The following PRDM1 variants were observed in gnomAD, a reference collection of about 807,000 sequenced individuals.
The protein encoded by PRDM1 is PR/SET domain 1.
Under a neutral mutation model 62.8 loss-of-function variants are expected in PRDM1, and 13 were observed. The ratio of observed to expected loss-of-function variants is 0.21; its 90% confidence interval spans 0.13 to 0.33. The LOEUF (loss-of-function observed/expected upper bound fraction) is 0.33. PRDM1 is among the 10% of genes least tolerant of loss of function. PRDM1 has a pLI of 1.00. For synonymous variants in PRDM1, 396 were observed against 417.6 expected (o/e 0.95, Z 0.63); for missense variants, 895 against 1,058.8 (o/e 0.85, Z 2.15).
At chr6:106,070,416 T>G (rs778545186) in intron 1 of PRDM1, among the ~76,000 whole-genome samples, 1 of 152,174 alleles carries the variant, frequency 6.6e-6, no homozygotes, top group Non-Finnish European at 1.5e-5. Context: ...TGAATAATAC[T>G]TATATTATAT....
At chr6:106,068,510 T>G (rs951936616) in intron 1 of PRDM1, among the ~76,000 whole-genome samples, 1 of 152,206 alleles carries the variant, frequency 6.6e-6, no homozygotes. Flanking sequence ...TATAGTATCT[T>G]GTAAACCATT....
At position 106,107,696 on chromosome 6, in the gene PRDM1, A is replaced by ATATATT. The variant is rs1275544320; in HGVS notation, c.*213_*214insATTTAT. 11 of 224,464 alleles carry ATATATT rather than the reference A, an allele frequency of 4.9e-5. No homozygotes were observed. In the East Asian group the frequency reaches 7.6e-4, roughly 15 times the overall value. 13.9% of individuals were successfully genotyped at this position (224,464 alleles called of 1,614,324 possible). On this transcript the variant is annotated 3_prime_UTR_variant, in exon 7 of 7. Coordinates refer to ENST00000369096, the MANE Select transcript of PRDM1 (RefSeq NM_001198.4). ...AAAGGCCATATATATATATATATAT[A>ATATATT]TATCTGTATACATATTATATATACT...
chr6:106,101,296 A>T (rs1774263545), intron 4 of PRDM1, among the ~76,000 whole-genome samples: 1 of 152,164 alleles, frequency 6.6e-6, no homozygotes, highest in Non-Finnish European at 1.5e-5. Context: ...ACCACCAAGA[A>T]ACTTTTTTGC....
At chr6:106,005,772 AAG>A (rs1472760997) in intron 1 of PRDM1, among the ~76,000 whole-genome samples, 1 of 152,218 alleles carries the variant, frequency 6.6e-6, no homozygotes, top group African/African-American at 2.4e-5. Context: ...GAAAATACAT[AAG>A]ACTCTCCCCA....
chr6:106,085,354 T>C (rs2093755808), upstream of PRDM1, among the ~76,000 whole-genome samples: 1 of 152,158 alleles, frequency 6.6e-6, no homozygotes, highest in Admixed American at 6.5e-5. Context: ...ATAATTGAAA[T>C]GGGGTGTTTG....
intron 2 of PRDM1, among the ~76,000 whole-genome samples, chr6:106,094,168 C>T (rs1226796106): frequency 3.9e-5 from 6 of 152,140 alleles, no homozygotes; most frequent in Non-Finnish European, 8.8e-5. Flanking sequence ...TTTGAGTCTA[C>T]CATTTCAGGT....
chr6:106,079,683 A>G (rs986425253), intron 1 of PRDM1, among the ~76,000 whole-genome samples: 1 of 152,204 alleles, frequency 6.6e-6, no homozygotes, highest in East Asian at 1.9e-4. Flanking sequence ...CTTTAATCCC[A>G]GCTACTCTGG....
At chr6:106,055,487 G>A (rs1481022797) in intron 1 of PRDM1, among the ~76,000 whole-genome samples, 3 of 152,120 alleles carry the variant, frequency 2.0e-5, no homozygotes, top group Non-Finnish European at 4.4e-5. Context: ...CACTTTAAAT[G>A]GAAAATGCTT....
Position 106,099,509 on chromosome 6 carries a change from G to A in PRDM1, c.621G>A (p.Arg207=). 6.2e-7 allele frequency: 1 copy of A among 1,614,144 alleles called. No homozygotes were observed. Among genetic ancestry groups the A allele is most frequent in the Non-Finnish European group, 8.5e-7 (1 of 1,180,024 alleles). The stretch of plus-strand genomic sequence containing the variant: ...GGTATTGTCGGGACTTTGCAGAAAG[G>A]CTTCACTACCCTTATCCCGGAGAGC... The part of the protein sequence containing the change: ...LVWYCRDFAE[R]LHYPYPGELT... Residue 207 remains arginine, a synonymous_variant, in exon 4 of 7, where the codon AGG becomes AGA. Transcript: ENST00000369096.
At chr6:106,082,774 T>A (rs1482802006), upstream of PRDM1, among the ~76,000 whole-genome samples, 10 of 152,178 alleles carry the variant, frequency 6.6e-5, no homozygotes, top group Non-Finnish European at 2.9e-5. Flanking sequence ...ACCGTCCCAA[T>A]GTTTAGGCCC....
At position 106,053,638 on chromosome 6, in the gene PRDM1, T is replaced by G. The variant is rs148204809; in HGVS notation, c.-67+4924T>G. Among the ~76,000 whole-genome samples the G allele has an allele frequency of 1.3e-3, 205 of 152,270 alleles. 2 individuals carry two copies. The highest frequency in any genetic ancestry group is 4.7e-3 in the African/African-American group (196 of 41,540). ...TACACTTATTGGCACCCAAGGACTC[T>G]TAGGAAACTTTAAAATGCCAACACT... On this transcript the variant is annotated intron_variant, in intron 1 of 6. Coordinates refer to the PRDM1 transcript ENST00000651185.
At chr6:106,045,154 G>C (rs1327862829), upstream of PRDM1, among the ~76,000 whole-genome samples, 1 of 152,106 alleles carries the variant, frequency 6.6e-6, no homozygotes, top group Non-Finnish European at 1.5e-5. Flanking sequence ...CAAGGTTCTA[G>C]CTAATTCAGG....
At chr6:106,047,764 AC>A (rs1033211560), upstream of PRDM1, among the ~76,000 whole-genome samples, 33 of 152,330 alleles carry the variant, frequency 2.2e-4, no homozygotes, top group Admixed American at 1.4e-3. Flanking sequence ...GGAGTTGAGA[AC>A]CTTTGATAGT....
chr6:106,042,022 G>T (rs1471594448), intron 1 of PRDM1, among the ~76,000 whole-genome samples: 1 of 151,050 alleles, frequency 6.6e-6, no homozygotes, highest in Non-Finnish European at 1.5e-5. Flanking sequence ...TTCCCAGGCT[G>T]ATCACAAACT....
At chr6:106,074,422 T>C (rs1025487803) in intron 1 of PRDM1, among the ~76,000 whole-genome samples, 2 of 152,246 alleles carry the variant, frequency 1.3e-5, no homozygotes, top group African/African-American at 4.8e-5. Context: ...TACTCATGTA[T>C]GTTTGATCAT....
chr6:106,078,840 G>A lies in PRDM1; in HGVS notation c.-66-9361G>A, dbSNP rs1170068659. 3.3e-5 allele frequency among the ~76,000 whole-genome samples: 5 copies of A among 152,030 alleles called. No homozygotes were observed. In the East Asian group the frequency reaches 9.6e-4, roughly 29 times the overall value. On this transcript the variant is annotated intron_variant, in intron 1 of 6. Coordinates refer to the PRDM1 transcript ENST00000651185. Reference sequence around the variant, plus strand: ...CTGCACTCCAGCTTGTGTGACAGAGGGAGGCCCTGTCTCAGAAAAGAAATA... The same window carrying A: ...CTGCACTCCAGCTTGTGTGACAGAGAGAGGCCCTGTCTCAGAAAAGAAATA...
At chr6:106,059,502 A>T (rs1419057588) in intron 1 of PRDM1, among the ~76,000 whole-genome samples, 2 of 152,230 alleles carry the variant, frequency 1.3e-5, no homozygotes, top group African/African-American at 4.8e-5. Flanking sequence ...AGATAGGTAG[A>T]ACATGGAAGG....
intron 1 of PRDM1, among the ~76,000 whole-genome samples, chr6:106,042,698 G>A (rs913791590): frequency 1.3e-5 from 2 of 152,040 alleles, no homozygotes; most frequent in Non-Finnish European, 2.9e-5. Context: ...ATGAAGTTTT[G>A]TACCTCAACT....
intron 3 of PRDM1, 188 bp downstream of exon 3, chr6:106,095,922 G>T: frequency 1.6e-6 from 1 of 623,344 alleles, no homozygotes; most frequent in Non-Finnish European, 2.7e-6. Flanking sequence ...CTGGCCTGTA[G>T]GTGGTTAGTG....
Sources: allele counts gnomAD v4.1 joint callset (sites outside exome capture counted in the v4.1 genomes callset), GRCh38; gene constraint gnomAD v4.1.1; transcripts MANE v1.5; gene names NCBI Gene and HGNC (gene_info 2026-07-23, HGNC 2026-07-21).